AAR2: variants seen among roughly 807,000 people sequenced by gnomAD.
AAR2 encodes the protein AAR2 splicing factor, also known as protein AAR2 homolog.
Under a neutral mutation model 26.9 loss-of-function variants are expected in AAR2, and 31 were observed. The ratio of observed to expected loss-of-function variants is 1.15; its 90% CI spans 0.86 to 1.55. The LOEUF is 1.55. Among genes scored for constraint, AAR2 ranks in the 40% most tolerant of loss-of-function variants. The probability of loss-of-function intolerance (pLI) is 0.00; values close to 1 mark genes in which losing one functional copy is unlikely to be tolerated. For synonymous variants in AAR2, 188 were observed against 196.1 expected (o/e 0.96, Z 0.34); for missense variants, 430 against 491.3 (o/e 0.88, Z 1.18).
At chr20:36,250,215 C>T (rs1182878595) in intron 3 of AAR2, among the ~76,000 whole-genome samples, 1 of 152,152 alleles carries the variant, frequency 6.6e-6, no homozygotes, top group Non-Finnish European at 1.5e-5. Context: ...TCATAATACA[C>T]AGATTAAATG....
intron 2 of AAR2, 117 bp from the exon 3 acceptor site, chr20:36,244,580 A>G: frequency 1.0e-6 from 1 of 965,458 alleles, no homozygotes; most frequent in African/African-American, 1.6e-5. Context: ...AGTGACAAGG[A>G]TAAAAGCTCA....
intron 2 of AAR2, among the ~76,000 whole-genome samples, chr20:36,242,179 G>T (rs1296907805): frequency 1.5e-5 from 2 of 131,728 alleles, no homozygotes; most frequent in African/African-American, 5.9e-5. Flanking sequence ...ACAGGGTTTC[G>T]CTGTGTCGCC....
At position 36,240,524 on chromosome 20, in the gene AAR2, G is replaced by T. The variant is rs764566378; in HGVS notation, c.656G>T (p.Gly219Val). 2.0e-5 allele frequency: 32 copies of T among 1,613,874 alleles called. No homozygotes were observed. The highest frequency in any genetic ancestry group is 4.0e-5 in the African/African-American group (3 of 74,906). ...CTGCCCACGCAGATGTTCCCAGAGG[G>T]TGCCACGCCAGCTGAGATAACCAAG... ...SELPTQMFPEGATPAEITKHS... is the reference protein window; with the variant it reads ...SELPTQMFPEVATPAEITKHS... The change falls in exon 2 of 4, where the codon GGT (glycine) becomes GTT (valine). Residue 219 changes from glycine (G) to valine (V), a missense_variant. Physicochemically the swap from Gly to Val is moderately radical, Grantham distance 109. Transcript: ENST00000320849.
intron 3 of AAR2, among the ~76,000 whole-genome samples, chr20:36,249,435 G>T (rs1378373615): frequency 2.6e-5 from 4 of 152,158 alleles, no homozygotes; most frequent in African/African-American, 9.7e-5. Context: ...TAGTACTTAG[G>T]CATATAGTCA....
intron 2 of AAR2, among the ~76,000 whole-genome samples, chr20:36,243,164 T>C (rs1457477561): frequency 6.6e-6 from 1 of 152,214 alleles, no homozygotes; most frequent in Non-Finnish European, 1.5e-5. Context: ...TAATTTTGAA[T>C]CTACATCACA....
At position 36,256,063 on chromosome 20, in the gene AAR2, T is replaced by C. The variant is rs779439341; in HGVS notation, c.*318T>C. The C allele has an allele frequency of 2.7e-5, 7 of 256,172 alleles. No homozygotes were observed. The highest frequency in any genetic ancestry group is 5.2e-5 in the Non-Finnish European group (7 of 134,526). The allele number at this position is 256,172 out of a possible 1,614,324, so 15.9% of individuals were successfully genotyped here. A position where few individuals can be genotyped will look rare whatever the true frequency, so the allele number is the denominator to read the frequency against. The stretch of plus-strand genomic sequence containing the variant: ...ACACGGCAACCATATTTCCTCTGAA[T>C]GAGAAGGAATTGAACCAAAAGTCCA... On this transcript the variant is annotated 3_prime_UTR_variant, in exon 4 of 4. Transcript: ENST00000320849.
intron 3 of AAR2, among the ~76,000 whole-genome samples, chr20:36,247,939 AT>A (rs1168421523): frequency 2.0e-5 from 3 of 152,166 alleles, no homozygotes; most frequent in African/African-American, 7.2e-5. Flanking sequence ...CTCTTAACAG[AT>A]TTTCAGTGTT....
intron 3 of AAR2, among the ~76,000 whole-genome samples, chr20:36,253,846 A>G (rs935934508): frequency 6.6e-6 from 1 of 152,258 alleles, no homozygotes; most frequent in South Asian, 2.1e-4. Flanking sequence ...AACATACTCA[A>G]TATCCACTGA....
At position 36,248,405 on chromosome 20, in the gene AAR2, G is replaced by A. The variant is rs182432832; in HGVS notation, c.987+3479G>A. Among the ~76,000 whole-genome samples the A allele has an allele frequency of 6.0e-5, 9 of 149,808 alleles. 1 individual carries two copies. Among genetic ancestry groups the A allele is most frequent in the Admixed American group, 2.7e-4 (4 of 14,936 alleles). On this transcript the variant is annotated intron_variant, in intron 3 of 3. Coordinates refer to ENST00000320849, the MANE Select transcript of AAR2 (RefSeq NM_001271874.2). Reference sequence around the variant, plus strand: ...GGCTGGAGTACAATGGCGCGATCTCGGCTCACTGCAACCTCTGCCTCCCGG... The same window carrying A: ...GGCTGGAGTACAATGGCGCGATCTCAGCTCACTGCAACCTCTGCCTCCCGG...
At chr20:36,239,369 T>C (rs1380679879) in intron 1 of AAR2, among the ~76,000 whole-genome samples, 1 of 152,240 alleles carries the variant, frequency 6.6e-6, no homozygotes, top group African/African-American at 2.4e-5. Context: ...TTTCCAAATC[T>C]TTTGGGATAG....
chr20:36,255,940 G>C lies in AAR2; in HGVS notation c.*195G>C. Reference sequence around the variant, plus strand: ...CAAAGAGGCTGTACCCATCCTGAAGGCACATTTGTGGGTTCCCCATCAGCC... The same window carrying C: ...CAAAGAGGCTGTACCCATCCTGAAGCCACATTTGTGGGTTCCCCATCAGCC... On this transcript the variant is annotated 3_prime_UTR_variant, in exon 4 of 4. Transcript: ENST00000320849. The C allele has an allele frequency of 1.3e-6, 1 of 754,326 alleles. No individual in the cohort carries two copies. The highest frequency in any genetic ancestry group is 2.0e-6 in the Non-Finnish European group (1 of 490,338). 46.7% of individuals were successfully genotyped at this position (754,326 alleles called of 1,614,324 possible).
chr20:36,248,823 T>C (rs1425521951), intron 3 of AAR2, among the ~76,000 whole-genome samples: 1 of 151,818 alleles, frequency 6.6e-6, no homozygotes, highest in African/African-American at 2.4e-5. Context: ...CATTTGACCA[T>C]GCACTTGAGG....
chr20:36,248,870 G>A (rs1601183343), intron 3 of AAR2, among the ~76,000 whole-genome samples: 1 of 151,950 alleles, frequency 6.6e-6, no homozygotes, highest in East Asian at 1.9e-4. Flanking sequence ...TGTGGAGAAG[G>A]ATATTGTAAA....
At chr20:36,248,125 G>GT (rs1264633211) in intron 3 of AAR2, among the ~76,000 whole-genome samples, 1 of 152,024 alleles carries the variant, frequency 6.6e-6, no homozygotes, top group Non-Finnish European at 1.5e-5. Flanking sequence ...ATCCCTCTCT[G>GT]TCAAGCCATC....
In AAR2 at chr20:36,239,957, C is replaced by T. The variant is rs771368429; in HGVS notation, c.89C>T (p.Thr30Ile). The change falls in exon 2 of 4, where the codon ACA becomes ATA. Residue 30 changes from threonine to isoleucine, a missense_variant. Physicochemically the swap from Thr to Ile is moderately conservative, Grantham distance 89 (BLOSUM62 -1). Coordinates refer to ENST00000320849, the MANE Select transcript of AAR2 (RefSeq NM_001271874.2). The part of the protein sequence containing the change: ...TVVILNMPKG[T>I]EFGIDYNSWE... ...GTCATCCTGAACATGCCCAAGGGAA[C>T]AGAGTTTGGGATTGACTATAACTCC... is the stretch of plus-strand genomic sequence containing the variant. 6.2e-7 allele frequency: 1 copy of T among 1,614,196 alleles called. No homozygotes were observed.
Position 36,240,610 on chromosome 20 carries a change from C to T in AAR2, c.742C>T (p.Pro248Ser). ...TVLNKQFPSS[P>S]QDVLGELQFA... is the part of the protein sequence containing the mutation. ...GCTCAACAAGCAGTTCCCCAGCAGC[C>T]CCCAGGATGTGCTTGGTGAGAAGGA... Residue 248 changes from proline to serine, a missense_variant, in exon 2 of 4, where the codon CCC becomes TCC. Transcript: ENST00000320849. The T allele has an allele frequency of 6.2e-7, 1 of 1,609,708 alleles. No homozygotes were observed. Among genetic ancestry groups the T allele is most frequent in the Non-Finnish European group, 8.5e-7 (1 of 1,177,514 alleles).
chr20:36,244,755 G>A lies in AAR2; in HGVS notation c.816G>A (p.Glu272=). ...TGGGGAATGTGTACGAGGCATTTGA[G>A]CATTGGAAGCGGCTCCTGAACCTCC... ...FLLGNVYEAF[E]HWKRLLNLLC... The change falls in exon 3 of 4, where the codon GAG becomes GAA. Residue 272 remains glutamate, a synonymous_variant. Coordinates refer to ENST00000320849, the MANE Select transcript of AAR2 (RefSeq NM_001271874.2). 6.2e-7 allele frequency: 1 copy of A among 1,614,182 alleles called. No individual in the cohort carries two copies. Among genetic ancestry groups the A allele is most frequent in the African/African-American group, 1.3e-5 (1 of 75,032 alleles).
rs1321689420 is a variant in AAR2 at position 36,239,802 on chromosome 20, T to C, written c.-48-19T>C. ...CTTTCCCCCACGTTCTGATTAACTC[T>C]GGTTTCTTTCTTTCTCAGCTGTTCA... On this transcript the variant is annotated intron_variant, in intron 1 of 3. Coordinates refer to ENST00000320849, the MANE Select transcript of AAR2 (RefSeq NM_001271874.2). 1.3e-6 allele frequency: 2 copies of C among 1,502,764 alleles called. No homozygotes were observed. Among genetic ancestry groups the C allele is most frequent in the Admixed American group, 4.5e-5 (2 of 44,368 alleles). The allele number at this position is 1,502,764 out of a possible 1,614,324, so 93.1% of individuals were successfully genotyped here. A position where few individuals can be genotyped will look rare whatever the true frequency, so the allele number is the denominator to read the frequency against.
intron 3 of AAR2, among the ~76,000 whole-genome samples, chr20:36,246,637 C>T (rs933890614): frequency 6.6e-6 from 1 of 152,178 alleles, no homozygotes; most frequent in Non-Finnish European, 1.5e-5. Flanking sequence ...AGGAGGGCCA[C>T]GGTGTTGCTG....
Sources: gnomAD v4.1 joint callset for allele counts (sites outside exome capture counted in the v4.1 genomes callset) on GRCh38, gnomAD v4.1.1 for gene constraint, MANE v1.5 for transcripts, NCBI Gene and HGNC (gene_info 2026-07-23, HGNC 2026-07-21) for gene names.